Variants in ELAVL2 observed in about 807,000 individuals in gnomAD.
ELAVL2 encodes ELAV-like protein 2.
ELAVL2 carries 4 observed loss-of-function variants against 34.6 expected under a neutral mutation model. That is an observed-to-expected ratio of 0.12 (90% CI 0.06 to 0.26). ELAVL2 has a LOEUF of 0.26. Ranked by LOEUF, ELAVL2 falls within the 10% of genes least tolerant of loss-of-function variation. The pLI is 1.00. For synonymous variants in ELAVL2, 193 were observed against 154.8 expected (o/e 1.25, Z -1.83); for missense variants, 432 against 442.8 (o/e 0.98, Z 0.22).
intron 2 of ELAVL2, among the ~76,000 whole-genome samples, chr9:23,750,128 A>G (rs2051547367): frequency 6.6e-6 from 1 of 152,142 alleles, no homozygotes; most frequent in Non-Finnish European, 1.5e-5. Context: ...CTATATCCAA[A>G]TATATTGTTT....
chr9:23,779,391 C>T (rs937423248), intron 1 of ELAVL2: 6 of 985,394 alleles, frequency 6.1e-6, no homozygotes, highest in Non-Finnish European at 7.2e-6. Context: ...CCTGCCTAAA[C>T]ACTGGCTATT....
At chr9:23,818,151 C>T (rs943992280) in intron 1 of ELAVL2, among the ~76,000 whole-genome samples, 2 of 152,104 alleles carry the variant, frequency 1.3e-5, no homozygotes, top group African/African-American at 4.8e-5. Context: ...ATGAAAATGG[C>T]CAAAGCAAGA....
chr9:23,837,603 C>T, the ELAVL2 span, among the ~76,000 whole-genome samples: 6 of 152,136 alleles, frequency 3.9e-5, no homozygotes, highest in Non-Finnish European at 5.9e-5. Flanking sequence ...GCTGGGATTT[C>T]GCCCTAAATA....
chr9:23,831,226 T>G (rs1199344483), upstream of ELAVL2, among the ~76,000 whole-genome samples: 3 of 152,108 alleles, frequency 2.0e-5, no homozygotes, highest in Non-Finnish European at 4.4e-5. Context: ...TTTGAAATAA[T>G]AAAACCGGGC....
chr9:23,792,500 T>A (rs1034180983), intron 1 of ELAVL2, among the ~76,000 whole-genome samples: 3 of 152,206 alleles, frequency 2.0e-5, no homozygotes, highest in Non-Finnish European at 4.4e-5. Context: ...TTTATCATCA[T>A]ATACACTGCT....
At chr9:23,754,500 T>C (rs1431740564) in intron 2 of ELAVL2, among the ~76,000 whole-genome samples, 4 of 152,068 alleles carry the variant, frequency 2.6e-5, no homozygotes, top group Non-Finnish European at 5.9e-5. Context: ...TCACACAGGC[T>C]GAAATGCAAG....
intron 3 of ELAVL2, among the ~76,000 whole-genome samples, chr9:23,715,649 A>G (rs1286656766): frequency 6.6e-6 from 1 of 152,202 alleles, no homozygotes; most frequent in Non-Finnish European, 1.5e-5. Flanking sequence ...ACTTGACCCA[A>G]TGACATCTCG....
At chr9:23,764,069 G>A (rs2055675149) in intron 1 of ELAVL2, among the ~76,000 whole-genome samples, 1 of 152,100 alleles carries the variant, frequency 6.6e-6, no homozygotes, top group South Asian at 2.1e-4. Flanking sequence ...AACTGTTCTG[G>A]TTTGTAGAAT....
At chr9:23,710,613 T>C (rs548878883) in intron 3 of ELAVL2, among the ~76,000 whole-genome samples, 87 of 152,268 alleles carry the variant, frequency 5.7e-4, no homozygotes, top group African/African-American at 2.0e-3. Flanking sequence ...ACTACAAACA[T>C]TAAACCTGAA....
intron 3 of ELAVL2, among the ~76,000 whole-genome samples, chr9:23,723,792 T>C (rs1201773287): frequency 6.6e-6 from 1 of 152,118 alleles, no homozygotes; most frequent in Non-Finnish European, 1.5e-5. Flanking sequence ...TGTGAGCTGT[T>C]ATAAGGGTTC....
At chr9:23,782,923 A>T (rs1409982517) in intron 1 of ELAVL2, among the ~76,000 whole-genome samples, 1 of 152,194 alleles carries the variant, frequency 6.6e-6, no homozygotes, top group Non-Finnish European at 1.5e-5. Context: ...TTTCTTTGAT[A>T]GCCTCTTCTC....
intron 4 of ELAVL2, among the ~76,000 whole-genome samples, chr9:23,704,314 T>A (rs1405637620): frequency 1.3e-5 from 2 of 152,192 alleles, no homozygotes; most frequent in African/African-American, 4.8e-5. Flanking sequence ...ATAGCTTTGT[T>A]AACTAAGATT....
intron 1 of ELAVL2, among the ~76,000 whole-genome samples, chr9:23,764,345 G>A (rs1393902265): frequency 6.6e-6 from 1 of 152,142 alleles, no homozygotes; most frequent in Non-Finnish European, 1.5e-5. Flanking sequence ...TCACTTAATT[G>A]CACATTTATT....
intron 3 of ELAVL2, among the ~76,000 whole-genome samples, chr9:23,722,717 C>A (rs1219784752): frequency 6.6e-6 from 1 of 152,256 alleles, no homozygotes; most frequent in African/African-American, 2.4e-5. Context: ...TTAGCTATTT[C>A]ATTTTGAACA....
chr9:23,736,971 C>A (rs1003011720), intron 2 of ELAVL2, among the ~76,000 whole-genome samples: 5 of 152,192 alleles, frequency 3.3e-5, no homozygotes, highest in Non-Finnish European at 5.9e-5. Flanking sequence ...TCCCATGTAT[C>A]CTTTGAGACT....
intron 2 of ELAVL2, among the ~76,000 whole-genome samples, chr9:23,743,083 G>A (rs768282927): frequency 1.3e-5 from 2 of 152,146 alleles, no homozygotes; most frequent in Non-Finnish European, 2.9e-5. Flanking sequence ...AGAGGAAATT[G>A]AGCTGTACAT....
At chr9:23,820,615 A>C (rs1588841122) in intron 1 of ELAVL2, among the ~76,000 whole-genome samples, 1 of 151,900 alleles carries the variant, frequency 6.6e-6, no homozygotes, top group African/African-American at 2.4e-5. Flanking sequence ...GATAACAAGG[A>C]GGCTTTTAAG....
At chr9:23,803,794 G>A (rs540552670) in intron 1 of ELAVL2, among the ~76,000 whole-genome samples, 119 of 152,274 alleles carry the variant, frequency 7.8e-4, no homozygotes, top group Admixed American at 1.9e-3. Context: ...CTTCACAAGT[G>A]CTACTACATC....
intron 2 of ELAVL2, among the ~76,000 whole-genome samples, chr9:23,741,326 GCAGA>G (rs1393050744): frequency 6.6e-6 from 1 of 152,138 alleles, no homozygotes; most frequent in Non-Finnish European, 1.5e-5. Context: ...AAGGTTTACA[GCAGA>G]CAAACTGCAG....
Sources: gnomAD v4.1 joint callset for allele counts (sites outside exome capture counted in the v4.1 genomes callset) on GRCh38, gnomAD v4.1.1 for gene constraint, MANE v1.5 for transcripts, NCBI Gene and HGNC (gene_info 2026-07-23, HGNC 2026-07-21) for gene names.